The following ATF2 variants were observed in gnomAD, a reference collection of about 807,000 sequenced individuals.
ATF2 encodes the protein cyclic AMP-dependent transcription factor ATF-2.
In ATF2, 24 loss-of-function variants were observed where a neutral mutation model predicts 60.6. The observed-to-expected ratio is 0.40, with a 90% confidence interval of 0.29 to 0.56. The LOEUF (loss-of-function observed/expected upper bound fraction) is 0.56. Ranked by LOEUF, ATF2 falls within the 20% of genes least tolerant of loss-of-function variation. ATF2 has a pLI of 0.54. For synonymous variants in ATF2, 206 were observed against 215.4 expected (o/e 0.96, Z 0.38); for missense variants, 433 against 607.7 (o/e 0.71, Z 3.02).
Position 175,093,225 on chromosome 2 carries a change from C to T in ATF2, c.1021G>A (p.Gly341Ser), listed in dbSNP as rs200342330. 1.2e-6 allele frequency: 2 copies of T among 1,614,096 alleles called. No individual in the cohort carries two copies. Among genetic ancestry groups the T allele is most frequent in the Non-Finnish European group, 1.7e-6 (2 of 1,180,026 alleles). ...TCGTTAGCTGCTCTTCTCCGACGAC[C>T]ACTTGTACTTTGGGTCTGTGGAGTT... is the stretch of plus-strand genomic sequence containing the variant. ...HTTPQTQSTS[G>S]RRRRAANEDP... is the part of the protein sequence containing the mutation. The change falls in exon 12 of 14, where the codon GGT becomes AGT. Residue 341 changes from glycine to serine, a missense_variant. This residue lies in a region of ATF2 where 246 missense variants were observed against 309.3 expected (regional missense o/e 0.80). Transcript: ENST00000264110.
intron 11 of ATF2, 135 bp from the exon 12 acceptor site, chr2:175,093,402 T>C (rs1056913917): frequency 3.6e-6 from 3 of 831,710 alleles, no homozygotes; most frequent in Non-Finnish European, 5.5e-6. Context: ...GTTGGGGCAA[T>C]ATGAAAATCA....
At chr2:175,110,812 G>T (rs1696127624) in intron 10 of ATF2, among the ~76,000 whole-genome samples, 1 of 152,048 alleles carries the variant, frequency 6.6e-6, no homozygotes, top group African/African-American at 2.4e-5. Flanking sequence ...CACCATGTTG[G>T]CCAGGTTGCT....
rs945299888 is a variant in ATF2, at chr2:175,073,965, A to G, written c.*644T>C. 3.4e-4 allele frequency: 52 copies of G among 152,190 alleles called. No individual in the cohort carries two copies. The highest frequency in any genetic ancestry group is 1.2e-3 in the African/African-American group (49 of 41,464). 9.4% of individuals were successfully genotyped at this position (152,190 alleles called of 1,614,324 possible). ...TTTGTTTACTTAAAATCTTAAATAA[A>G]AAAGGAAAATGATTATAAATGACCT... is the stretch of plus-strand genomic sequence containing the variant. On this transcript the variant is annotated 3_prime_UTR_variant, in exon 14 of 14. Transcript: ENST00000264110.
intron 13 of ATF2, among the ~76,000 whole-genome samples, chr2:175,076,457 T>TACC (rs1386952834): frequency 6.6e-6 from 1 of 152,252 alleles, no homozygotes; most frequent in East Asian, 1.9e-4. Context: ...GTATGTTACA[T>TACC]GGGTATATTG....
chr2:175,147,005 AT>A (rs1442617923), intron 2 of ATF2, among the ~76,000 whole-genome samples: 2 of 152,166 alleles, frequency 1.3e-5, no homozygotes, highest in Non-Finnish European at 2.9e-5. Flanking sequence ...TTTGTTTATA[AT>A]TTTCATGCTA....
intron 12 of ATF2, among the ~76,000 whole-genome samples, chr2:175,088,085 T>C (rs1054372110): frequency 1.3e-5 from 2 of 152,172 alleles, no homozygotes; most frequent in African/African-American, 2.4e-5. Context: ...CTTATTTCAG[T>C]TGCTTTTCAT....
At chr2:175,096,634 T>C (rs563866103) in intron 11 of ATF2, among the ~76,000 whole-genome samples, 11 of 152,288 alleles carry the variant, frequency 7.2e-5, no homozygotes, top group African/African-American at 2.4e-4. Context: ...ACTTTAATGG[T>C]TGTAGATGGC....
intron 12 of ATF2, among the ~76,000 whole-genome samples, chr2:175,090,057 A>T (rs1222594888): frequency 3.9e-5 from 6 of 152,162 alleles, no homozygotes; most frequent in Admixed American, 3.9e-4. Flanking sequence ...ACATAAAGGT[A>T]ATCAGTTTAA....
intron 3 of ATF2, among the ~76,000 whole-genome samples, chr2:175,131,887 T>C (rs1697754842): frequency 6.6e-6 from 1 of 152,220 alleles, no homozygotes; most frequent in Admixed American, 6.5e-5. Context: ...TCTAAAAATA[T>C]TAATTTATGA....
chr2:175,149,019 A>C (rs1699131926), intron 2 of ATF2, among the ~76,000 whole-genome samples: 2 of 152,212 alleles, frequency 1.3e-5, no homozygotes, highest in Admixed American at 6.5e-5. Flanking sequence ...GCCACTGGCT[A>C]CTCATATTTG....
rs557063934 is a variant in ATF2, at chr2:175,074,957, G to C, written c.1292-122C>G. On this transcript the variant is annotated intron_variant, in intron 13 of 13. Transcript: ENST00000264110. ...CTTACAAAACTGATTAGACAAGTTG[G>C]TATTACAGCAATTGATATAGGTCAT... is the stretch of plus-strand genomic sequence containing the variant. 159 of 1,526,894 alleles carry C rather than the reference G, an allele frequency of 1.0e-4. 2 individuals carry two copies. The South Asian group carries it at 1.8e-3, about 17-fold the overall frequency. 94.6% of individuals were successfully genotyped at this position (1,526,894 alleles called of 1,614,324 possible). A position where few individuals can be genotyped will look rare whatever the true frequency, so the allele number is the denominator to read the frequency against.
At chr2:175,091,669 C>G (rs1370233220) in intron 12 of ATF2, among the ~76,000 whole-genome samples, 2 of 152,074 alleles carry the variant, frequency 1.3e-5, no homozygotes, top group East Asian at 3.9e-4. Flanking sequence ...TCGAGACCAG[C>G]CTGGCCAACA....
intron 1 of ATF2, among the ~76,000 whole-genome samples, chr2:175,151,746 C>A (rs1398192906): frequency 2.0e-5 from 3 of 152,084 alleles, no homozygotes; most frequent in Non-Finnish European, 4.4e-5. Flanking sequence ...AAGTTTATTT[C>A]TTTCACAAAA....
intron 12 of ATF2, among the ~76,000 whole-genome samples, chr2:175,089,181 C>CAAAA (rs35962280): frequency 2.4e-4 from 34 of 139,372 alleles, no homozygotes; most frequent in Middle Eastern, 3.5e-3. Flanking sequence ...ACTCTGTCTC[C>CAAAA]AAAAAAAAAA....
At chr2:175,117,233 GAAAA>G (rs5836483) in intron 7 of ATF2, among the ~76,000 whole-genome samples, 1 of 149,176 alleles carries the variant, frequency 6.7e-6, no homozygotes, top group Non-Finnish European at 1.5e-5. Flanking sequence ...AGAAAATGAA[GAAAA>G]AAAAACAGAA....
intron 2 of ATF2, among the ~76,000 whole-genome samples, chr2:175,139,718 A>G (rs969493079): frequency 6.6e-6 from 1 of 151,710 alleles, no homozygotes; most frequent in Non-Finnish European, 1.5e-5. Flanking sequence ...AAATACCACC[A>G]CTCCTTTAAT....
chr2:175,108,489 C>A (rs1412412911), intron 10 of ATF2, among the ~76,000 whole-genome samples: 5 of 146,312 alleles, frequency 3.4e-5, no homozygotes, highest in Admixed American at 6.7e-5. Context: ...CCCGGCCAGC[C>A]GCCCCTTCCG....
At chr2:175,118,221 C>T (rs376488653) in intron 6 of ATF2, 30 bp downstream of exon 6, 5 of 1,591,894 alleles carry the variant, frequency 3.1e-6, no homozygotes, top group Non-Finnish European at 4.3e-6. Context: ...GTCAGAAGTA[C>T]TCTTTTTAAA....
At chr2:175,144,846 A>G (rs1286320877) in intron 2 of ATF2, among the ~76,000 whole-genome samples, 1 of 152,256 alleles carries the variant, frequency 6.6e-6, no homozygotes, top group Non-Finnish European at 1.5e-5. Flanking sequence ...AGTCCAGCAC[A>G]GGGTGTCAGG....
Sources: allele counts gnomAD v4.1 joint callset (sites outside exome capture counted in the v4.1 genomes callset), GRCh38; gene constraint gnomAD v4.1.1; regional missense constraint gnomAD v4.1.1; transcripts MANE v1.5; gene names NCBI Gene and HGNC (gene_info 2026-07-23, HGNC 2026-07-21).